The following BLTP3A variants were observed in gnomAD, a reference collection of about 807,000 sequenced individuals.
The protein encoded by BLTP3A is ICBP90 binding protein 1.
chr6:34,835,063 A>G, the BLTP3A span, among the ~76,000 whole-genome samples: 4 of 151,962 alleles, frequency 2.6e-5, no homozygotes, highest in Admixed American at 6.6e-5. Flanking sequence ...GGAAACTGCA[A>G]TTTTTACTCG....
the BLTP3A span, among the ~76,000 whole-genome samples, chr6:34,803,749 T>C: frequency 6.6e-6 from 1 of 152,010 alleles, no homozygotes; most frequent in Non-Finnish European, 1.5e-5. Context: ...GTGGGGAGCG[T>C]GGTATGTATC....
chr6:34,830,938 G>A, the BLTP3A span, among the ~76,000 whole-genome samples: 1 of 151,808 alleles, frequency 6.6e-6, no homozygotes, highest in East Asian at 1.9e-4. Flanking sequence ...TCTGACGATT[G>A]GTTTATTGAA....
chr6:34,835,819 TCTCACTACATAGG>T, the BLTP3A span, among the ~76,000 whole-genome samples: 3 of 152,164 alleles, frequency 2.0e-5, no homozygotes, highest in African/African-American at 2.4e-5. Context: ...AGAAGAGGCA[TCTCACTACATAGG>T]CTGAAAGAGA....
At chr6:34,795,543 G>A in the BLTP3A span, among the ~76,000 whole-genome samples, 126 of 150,582 alleles carry the variant, frequency 8.4e-4, no homozygotes, top group Non-Finnish European at 1.6e-3. Flanking sequence ...GACTACAGGC[G>A]CGTGCCACCA....
the BLTP3A span, among the ~76,000 whole-genome samples, chr6:34,860,022 G>A: frequency 6.6e-6 from 1 of 152,166 alleles, no homozygotes; most frequent in African/African-American, 2.4e-5. Context: ...GATCCCCACA[G>A]CAGCCTGGTA....
At chr6:34,844,673 C>G in the BLTP3A span, among the ~76,000 whole-genome samples, 1 of 152,120 alleles carries the variant, frequency 6.6e-6, no homozygotes, top group Non-Finnish European at 1.5e-5. Flanking sequence ...TGATACATGT[C>G]TATTCAGGTC....
the BLTP3A span, among the ~76,000 whole-genome samples, chr6:34,866,771 G>GATTC: frequency 3.2e-4 from 48 of 152,228 alleles, no homozygotes; most frequent in South Asian, 8.5e-3. Flanking sequence ...TGACAACCAT[G>GATTC]ATTCTACTTT....
chr6:34,840,553 C>T, the BLTP3A span, among the ~76,000 whole-genome samples: 9 of 150,012 alleles, frequency 6.0e-5, no homozygotes, highest in Non-Finnish European at 1.0e-4. Context: ...GGGACAAGAG[C>T]GAGACTTTGT....
chr6:34,850,109 C>T, the BLTP3A span, among the ~76,000 whole-genome samples: 1 of 151,460 alleles, frequency 6.6e-6, no homozygotes, highest in Admixed American at 6.6e-5. Context: ...TGCCACTGCA[C>T]TCCAGCCTGG....
the BLTP3A span, among the ~76,000 whole-genome samples, chr6:34,840,822 G>A: frequency 6.6e-6 from 1 of 151,480 alleles, no homozygotes; most frequent in Non-Finnish European, 1.5e-5. Context: ...TTCACCGTAT[G>A]AACCAGGATG....
At chr6:34,871,537 G>T in the BLTP3A span, 2 of 1,570,904 alleles carry the variant, frequency 1.3e-6, no homozygotes, top group Non-Finnish European at 1.7e-6. Context: ...GTGTTAAATT[G>T]CTCTGAGCTG....
the BLTP3A span, among the ~76,000 whole-genome samples, chr6:34,845,542 C>T: frequency 6.6e-6 from 1 of 152,224 alleles, no homozygotes; most frequent in African/African-American, 2.4e-5. Context: ...CTTCAGCCTC[C>T]TGAATAGCTG....
At chr6:34,864,047 T>C in the BLTP3A span, 1 of 1,613,066 alleles carries the variant, frequency 6.2e-7, no homozygotes, top group Non-Finnish European at 8.5e-7. Context: ...CCCCAGTGAG[T>C]GGAGGTGCTG....
chr6:34,856,817 C>T, the BLTP3A span: 2 of 1,614,082 alleles, frequency 1.2e-6, no homozygotes, highest in Non-Finnish European at 1.7e-6. Flanking sequence ...CGAAAGAACC[C>T]TCTTGAGAGA....
the BLTP3A span, among the ~76,000 whole-genome samples, chr6:34,864,924 C>A: frequency 6.6e-6 from 1 of 151,914 alleles, no homozygotes; most frequent in African/African-American, 2.4e-5. Context: ...GCTGAGATTG[C>A]GCCACTGCAT....
the BLTP3A span, among the ~76,000 whole-genome samples, chr6:34,832,509 C>T: frequency 2.6e-5 from 4 of 151,612 alleles, no homozygotes; most frequent in African/African-American, 7.3e-5. Flanking sequence ...AATCTTGGCT[C>T]ACTGCAGCCT....
chr6:34,824,257 G>C, the BLTP3A span, among the ~76,000 whole-genome samples: 3 of 152,072 alleles, frequency 2.0e-5, no homozygotes, highest in African/African-American at 7.2e-5. Flanking sequence ...AACAGGCCAG[G>C]CGCGGTGGCT....
At chr6:34,818,524 A>C in the BLTP3A span, among the ~76,000 whole-genome samples, 1 of 152,138 alleles carries the variant, frequency 6.6e-6, no homozygotes, top group Non-Finnish European at 1.5e-5. Context: ...CCCAACACTA[A>C]GTACGTAAAT....
the BLTP3A span, among the ~76,000 whole-genome samples, chr6:34,809,722 T>A: frequency 6.6e-6 from 1 of 151,960 alleles, no homozygotes; most frequent in Non-Finnish European, 1.5e-5. Context: ...GCCCGGCTAA[T>A]TTTTTGTATT....
Sources: allele counts gnomAD v4.1 joint callset (sites outside exome capture counted in the v4.1 genomes callset), GRCh38; gene constraint gnomAD v4.1.1; transcripts MANE v1.5; gene names NCBI Gene and HGNC (gene_info 2026-07-23, HGNC 2026-07-21).